The following GPC6 variants were observed in gnomAD, a reference collection of about 807,000 sequenced individuals.
GPC6 encodes glypican-6.
In GPC6, 14 loss-of-function variants were observed where a neutral mutation model predicts 55.2. The observed-to-expected ratio is 0.25, with a 90% CI of 0.17 to 0.40. The LOEUF (loss-of-function observed/expected upper bound fraction) is 0.40. Ranked by LOEUF, GPC6 falls within the 10% of genes least tolerant of loss-of-function variation. GPC6 has a pLI of 1.00. For missense variants in GPC6, 641 were observed against 708.5 expected (o/e 0.90, Z 1.08); for synonymous variants, 278 against 259.6 (o/e 1.07, Z -0.68).
At chr13:93,861,268 G>T (rs1888801790) in intron 3 of GPC6, among the ~76,000 whole-genome samples, 1 of 151,174 alleles carries the variant, frequency 6.6e-6, no homozygotes, top group African/African-American at 2.4e-5. Context: ...GATTTGTTGA[G>T]CACCTATTTT....
At chr13:93,898,933 A>G (rs1391775881) in intron 3 of GPC6, among the ~76,000 whole-genome samples, 1 of 91,778 alleles carries the variant, frequency 1.1e-5, no homozygotes, top group African/African-American at 5.2e-5. Context: ...TAAAAATATT[A>G]TATATAAATA....
intron 4 of GPC6, among the ~76,000 whole-genome samples, chr13:94,224,226 CAG>C (rs1395578023): frequency 6.9e-6 from 1 of 144,828 alleles, no homozygotes; most frequent in Admixed American, 7.1e-5. Context: ...ATTATACAGA[CAG>C]AGTCTTTATT....
At chr13:94,021,248 T>A in intron 3 of GPC6, among the ~76,000 whole-genome samples, 1 of 146,792 alleles carries the variant, frequency 6.8e-6, no homozygotes, top group South Asian at 2.1e-4. Context: ...GCTAGGTGTA[T>A]GTTCATTGTG....
intron 1 of GPC6, among the ~76,000 whole-genome samples, chr13:93,465,721 A>C (rs1408024113): frequency 6.6e-6 from 1 of 152,128 alleles, no homozygotes; most frequent in African/African-American, 2.4e-5. Flanking sequence ...AACACTTTTA[A>C]TTTTCTTCAA....
chr13:93,601,728 G>T (rs1878022852), intron 2 of GPC6, among the ~76,000 whole-genome samples: 1 of 152,214 alleles, frequency 6.6e-6, no homozygotes, highest in South Asian at 2.1e-4. Context: ...TCCAGTAGGT[G>T]AAATAATTGA....
chr13:93,304,985 A>G (rs1462495063), intron 1 of GPC6, among the ~76,000 whole-genome samples: 1 of 152,164 alleles, frequency 6.6e-6, no homozygotes, highest in Non-Finnish European at 1.5e-5. Context: ...TTCATTCCTC[A>G]ACTTCAGATT....
At chr13:93,216,612 G>T in the GPC6 span, among the ~76,000 whole-genome samples, 1 of 152,110 alleles carries the variant, frequency 6.6e-6, no homozygotes, top group Non-Finnish European at 1.5e-5. Context: ...GACAGCCAGG[G>T]ACTGGACAAA....
chr13:93,686,416 G>C (rs1406546377), intron 2 of GPC6, among the ~76,000 whole-genome samples: 2 of 152,200 alleles, frequency 1.3e-5, no homozygotes, highest in East Asian at 3.9e-4. Context: ...TGAGATTAAG[G>C]GTGTTTGGAG....
In GPC6 at chr13:93,341,748, T is replaced by C. The variant is rs190955754; in HGVS notation, c.160+114132T>C. Among the ~76,000 whole-genome samples the C allele has an allele frequency of 2.4e-4, 36 of 151,708 alleles. 1 individual carries two copies. In the East Asian group the frequency reaches 5.2e-3, roughly 22 times the overall value. On this transcript the variant is annotated intron_variant, in intron 1 of 8. Coordinates refer to ENST00000377047, the MANE Select transcript of GPC6 (RefSeq NM_005708.5). The stretch of plus-strand genomic sequence containing the variant: ...GCAGACGCTTTTTAGTTTAATTAGG[T>C]CCCATTTATTTATTTTTGTGTTTTT...
chr13:93,891,355 C>T (rs184086952), intron 3 of GPC6, among the ~76,000 whole-genome samples: 1 of 152,184 alleles, frequency 6.6e-6, no homozygotes, highest in East Asian at 1.9e-4. Flanking sequence ...GGCTTTCATT[C>T]TGTGTATCTC....
chr13:93,685,004 C>T (rs1881996449), intron 2 of GPC6, among the ~76,000 whole-genome samples: 1 of 152,130 alleles, frequency 6.6e-6, no homozygotes, highest in Admixed American at 6.5e-5. Flanking sequence ...CATCATATAT[C>T]TGGTAGCAAA....
At chr13:93,302,902 C>A (rs772130662) in intron 1 of GPC6, among the ~76,000 whole-genome samples, 3 of 152,182 alleles carry the variant, frequency 2.0e-5, no homozygotes, top group Non-Finnish European at 4.4e-5. Flanking sequence ...TAGCAGTCAC[C>A]TCACTTCTAC....
intron 1 of GPC6, among the ~76,000 whole-genome samples, chr13:93,244,967 A>G (rs1284071215): frequency 5.3e-5 from 8 of 152,180 alleles, no homozygotes; most frequent in Admixed American, 5.2e-4. Flanking sequence ...AATCCCAATA[A>G]ATTGAGTAGT....
chr13:93,640,858 T>C (rs1007367728), intron 2 of GPC6, among the ~76,000 whole-genome samples: 2 of 133,452 alleles, frequency 1.5e-5, no homozygotes, highest in East Asian at 4.4e-4. Context: ...CTTCCTACCT[T>C]CTCCCCTCCC....
intron 4 of GPC6, among the ~76,000 whole-genome samples, chr13:94,075,730 C>T (rs1195932861): frequency 6.6e-6 from 1 of 152,068 alleles, no homozygotes; most frequent in East Asian, 1.9e-4. Context: ...TCCTTCTATG[C>T]CTGGCTTATT....
intron 2 of GPC6, among the ~76,000 whole-genome samples, chr13:93,653,221 T>C (rs551664165): frequency 1.3e-5 from 2 of 152,278 alleles, no homozygotes; most frequent in African/African-American, 2.4e-5. Context: ...CCTATAGTTA[T>C]CAATATCATA....
intron 4 of GPC6, among the ~76,000 whole-genome samples, chr13:94,044,670 A>C (rs1883661205): frequency 6.6e-6 from 1 of 151,862 alleles, no homozygotes; most frequent in Admixed American, 6.6e-5. Flanking sequence ...TCAAAAGATA[A>C]GTACATATGT....
intron 2 of GPC6, among the ~76,000 whole-genome samples, chr13:93,637,581 C>G (rs916333545): frequency 1.3e-5 from 2 of 152,098 alleles, no homozygotes; most frequent in African/African-American, 4.8e-5. Context: ...GTGTCCCAAA[C>G]GCTACAGCCT....
chr13:93,502,318 A>G (rs1485043362), intron 1 of GPC6, among the ~76,000 whole-genome samples: 1 of 151,888 alleles, frequency 6.6e-6, no homozygotes. Flanking sequence ...GAGAGAGAGA[A>G]ATTTCACTAA....
Sources: gnomAD v4.1 joint callset for allele counts (sites outside exome capture counted in the v4.1 genomes callset) on GRCh38, gnomAD v4.1.1 for gene constraint, MANE v1.5 for transcripts, NCBI Gene and HGNC (gene_info 2026-07-23, HGNC 2026-07-21) for gene names.